The following MAP3K4 variants were observed in gnomAD, a reference collection of about 807,000 sequenced individuals.
The protein encoded by MAP3K4 is mitogen-activated protein kinase kinase kinase 4, also known as MAP three kinase 1.
In MAP3K4, 67 loss-of-function variants were observed where a neutral mutation model predicts 185.6. That is an observed-to-expected ratio of 0.36 (90% CI 0.30 to 0.44). The LOEUF is 0.44. Among genes scored for constraint, MAP3K4 ranks in the 20% least tolerant of loss-of-function variants. The probability of loss-of-function intolerance (pLI) is 1.00; values close to 1 mark genes in which losing one functional copy is unlikely to be tolerated. For missense variants in MAP3K4, 1,551 were observed against 1,995.1 expected, an observed-to-expected ratio of 0.78 and a Z score of 4.24; for synonymous variants, 702 against 710.4, an observed-to-expected ratio of 0.99 and a Z score of 0.19.
In MAP3K4 at chr6:160,992,010, C is replaced by T. The variant is rs777328154; in HGVS notation, c.79C>T (p.Pro27Ser). ...TPAAAMEEPP[P>S]PPPPPPPPPE... is the part of the protein sequence containing the mutation. Reference sequence around the variant, plus strand: ...TGCCGCCGCCATGGAGGAGCCGCCGCCACCGCCGCCGCCGCCACCACCGCC... The same window carrying T: ...TGCCGCCGCCATGGAGGAGCCGCCGTCACCGCCGCCGCCGCCACCACCGCC... Residue 27 changes from proline to serine, a missense_variant, in exon 1 of 27, where the codon CCA becomes TCA. Transcript: ENST00000392142. The T allele has an allele frequency of 8.4e-6, 13 of 1,548,420 alleles. No homozygotes were observed. The Admixed American group carries it at 9.4e-5, about 11-fold the overall frequency.
rs1487210852 is a variant in MAP3K4, at chr6:161,049,274, T to C, written c.1002T>C (p.Ile334=). Residue 334 remains isoleucine, a synonymous_variant, in exon 3 of 27, where the codon ATT becomes ATC. Coordinates refer to ENST00000392142, the MANE Select transcript of MAP3K4 (RefSeq NM_005922.4). This position sits in a 1 kb window ranked among gnomAD's most constrained non-coding sequence, Gnocchi z 8.4. ...GQCKATPGTK[I]VGYSTHHEHL... is the part of the protein sequence containing the mutation. ...GCAAAGCCACTCCTGGAACAAAGAT[T>C]GTAGGTTACTCAACACATCATGAGC... The C allele has an allele frequency of 3.1e-6, 5 of 1,614,138 alleles. No individual in the cohort carries two copies. The highest frequency in any genetic ancestry group is 4.2e-6 in the Non-Finnish European group (5 of 1,180,000).
intron 13 of MAP3K4, 122 bp from the exon 14 acceptor site, chr6:161,092,856 A>G (rs563865373): frequency 2.8e-5 from 15 of 539,494 alleles, no homozygotes; most frequent in Middle Eastern, 3.2e-4. Context: ...AACCCAAGCA[A>G]AAAAAAGTGT....
intron 1 of MAP3K4, among the ~76,000 whole-genome samples, chr6:160,993,544 T>C (rs765942341): frequency 6.6e-6 from 1 of 152,318 alleles, no homozygotes; most frequent in Non-Finnish European, 1.5e-5. Context: ...CAGCTGGTAA[T>C]GAAGAAAGGT....
At chr6:161,085,455 G>A (rs578043888) in intron 7 of MAP3K4, among the ~76,000 whole-genome samples, 114 of 152,260 alleles carry the variant, frequency 7.5e-4, no homozygotes, top group South Asian at 6.0e-3. Context: ...TATATCAGGC[G>A]TATAGCAACT....
rs1785165001 is a variant in MAP3K4 at position 161,076,112 on chromosome 6, T to C, written c.2097+2500T>C. 6.6e-6 allele frequency among the ~76,000 whole-genome samples: 1 copy of C among 152,212 alleles called. No individual in the cohort carries two copies. The highest frequency in any genetic ancestry group is 2.4e-5 in the African/African-American group (1 of 41,444). On this transcript the variant is annotated intron_variant, in intron 5 of 26. Transcript: ENST00000392142. This position sits in a 1 kb window ranked among gnomAD's most constrained non-coding sequence, Gnocchi z 4.2. ...CCAAAAATAAAAAGACTTAGAATTA[T>C]TCGCCTTGAAATGTAAACTAAAATG... is the stretch of plus-strand genomic sequence containing the variant.
chr6:161,087,198 A>G lies in MAP3K4; in HGVS notation c.2557-490A>G, dbSNP rs1404191397. Among the ~76,000 whole-genome samples the G allele has an allele frequency of 1.3e-5, 2 of 152,170 alleles. No individual in the cohort carries two copies. The highest frequency in any genetic ancestry group is 2.9e-5 in the Non-Finnish European group (2 of 68,030). On this transcript the variant is annotated intron_variant, in intron 9 of 26. Coordinates refer to ENST00000392142, the MANE Select transcript of MAP3K4 (RefSeq NM_005922.4). The surrounding 1 kb of genome is among the most constrained non-coding windows in gnomAD (Gnocchi z 4.9). ...ATCCCGCTCCCATACTGAGAGTGGG[A>G]GGGATGACCTGCAGCGTGCCACCAC...
At position 161,008,356 on chromosome 6, in the gene MAP3K4, A is replaced by G. The variant is rs1218074879; in HGVS notation, c.152+16273A>G. ...TTATGTCTAGTCAAGATGTTTTATT[A>G]GAGTAAAATCCTGGAAATATAATTA... On this transcript the variant is annotated intron_variant, in intron 1 of 26. Coordinates refer to ENST00000392142, the MANE Select transcript of MAP3K4 (RefSeq NM_005922.4). This position sits in a 1 kb window ranked among gnomAD's most constrained non-coding sequence, Gnocchi z 4.1. 6.6e-6 allele frequency among the ~76,000 whole-genome samples: 1 copy of G among 152,232 alleles called. No homozygotes were observed. Among genetic ancestry groups the G allele is most frequent in the African/African-American group, 2.4e-5 (1 of 41,468 alleles).
chr6:161,049,682 G>A lies in MAP3K4; in HGVS notation c.1410G>A (p.Arg470=). ...AAGAAGAACAAATCTCTGATCCTAG[G>A]GTACCGGAAATCAGACAGCCCATAG... The part of the protein sequence containing the change: ...ESEEEQISDP[R]VPEIRQPIDN... Residue 470 remains arginine (R), a synonymous_variant, in exon 3 of 27, where the codon AGG becomes AGA. Coordinates refer to ENST00000392142, the MANE Select transcript of MAP3K4 (RefSeq NM_005922.4). This position sits in a 1 kb window ranked among gnomAD's most constrained non-coding sequence, Gnocchi z 8.4. 3 of 1,614,108 alleles carry A rather than the reference G, an allele frequency of 1.9e-6. No homozygotes were observed. Among genetic ancestry groups the A allele is most frequent in the South Asian group, 2.2e-5 (2 of 91,068 alleles).
chr6:161,032,151 G>A (rs890390172), intron 1 of MAP3K4, among the ~76,000 whole-genome samples: 1 of 152,174 alleles, frequency 6.6e-6, no homozygotes, highest in South Asian at 2.1e-4. Flanking sequence ...TTTCCTTTAA[G>A]TATATTAAGT....
Position 161,101,710 on chromosome 6 carries a change from C to A in MAP3K4, c.3675-182C>A, listed in dbSNP as rs530074173. On this transcript the variant is annotated intron_variant, in intron 17 of 26. Transcript: ENST00000392142. The surrounding 1 kb of genome is among the most constrained non-coding windows in gnomAD (Gnocchi z 5.1). ...TGGTGGGTCTGTCCTGTGCGTTTTC[C>A]GCTGCCCACTAGATGCCAGTAGCAC... 13 of 566,040 alleles carry A rather than the reference C, an allele frequency of 2.3e-5. No individual in the cohort carries two copies. Among genetic ancestry groups the A allele is most frequent in the African/African-American group, 2.3e-4 (12 of 52,914 alleles). 35.1% of individuals were successfully genotyped at this position (566,040 alleles called of 1,614,324 possible). A position where few individuals can be genotyped will look rare whatever the true frequency, so the allele number is the denominator to read the frequency against.
At position 161,096,931 on chromosome 6, in the gene MAP3K4, A is replaced by T; in HGVS notation, c.3428-149A>T. ...GTGACATTTTCCATAATATTTGTAT[A>T]TGTAATATTATTTTTTACTTATATA... On this transcript the variant is annotated intron_variant, in intron 15 of 26. Coordinates refer to ENST00000392142, the MANE Select transcript of MAP3K4 (RefSeq NM_005922.4). This position sits in a 1 kb window ranked among gnomAD's most constrained non-coding sequence, Gnocchi z 4.9. 1 of 565,722 alleles carries T rather than the reference A, an allele frequency of 1.8e-6. No homozygotes were observed. Among genetic ancestry groups the T allele is most frequent in the Non-Finnish European group, 3.2e-6 (1 of 312,826 alleles). 35.0% of individuals were successfully genotyped at this position (565,722 alleles called of 1,614,324 possible).
At chr6:161,105,363 A>C (rs1328209706) in intron 19 of MAP3K4, among the ~76,000 whole-genome samples, 4 of 152,220 alleles carry the variant, frequency 2.6e-5, no homozygotes, top group Non-Finnish European at 4.4e-5. Context: ...TATTTCATGA[A>C]ATCCTCACAG....
rs190438085 is a variant in MAP3K4, at chr6:161,066,461, A to T, written c.1708-4147A>T. 3.3e-3 allele frequency among the ~76,000 whole-genome samples: 496 copies of T among 151,278 alleles called. 5 individuals carry two copies. Among genetic ancestry groups the T allele is most frequent in the Middle Eastern group, 0.017 (5 of 292 alleles). ...TAATAATTTCTGCAGTTAATTCTAG[A>T]TTATTAAATCAGTTTTAGCAGTGTT... On this transcript the variant is annotated intron_variant, in intron 3 of 26. Coordinates refer to ENST00000392142, the MANE Select transcript of MAP3K4 (RefSeq NM_005922.4).
Position 161,017,687 on chromosome 6 carries a change from T to C in MAP3K4, c.153-16572T>C, listed in dbSNP as rs1469365028. On this transcript the variant is annotated intron_variant, in intron 1 of 26. Transcript: ENST00000392142. The surrounding 1 kb of genome is among the most constrained non-coding windows in gnomAD (Gnocchi z 5.1). ...AAATGAGGTGATTTTTGCCTTTTTA[T>C]GTAAAGTAAACATAAACATATACAT... Among the ~76,000 whole-genome samples, 7 of 152,226 alleles carry C rather than the reference T, an allele frequency of 4.6e-5. No homozygotes were observed. In the South Asian group the frequency reaches 1.2e-3, roughly 27 times the overall value.
In MAP3K4 at chr6:161,102,814, A is replaced by C. The variant is rs201900201; in HGVS notation, c.3856+35A>C. The C allele has an allele frequency of 1.9e-4, 272 of 1,414,364 alleles. 2 individuals carry two copies. The African/African-American group carries it at 3.2e-3, about 17-fold the overall frequency. 87.6% of individuals were successfully genotyped at this position (1,414,364 alleles called of 1,614,324 possible). A position where few individuals can be genotyped will look rare whatever the true frequency, so the allele number is the denominator to read the frequency against. ...AGAGTGTTGAAGTTAAAAAAAAAAA[A>C]AAAAAAAAAACACGATTACACATAA... On this transcript the variant is annotated intron_variant, in intron 19 of 26. Transcript: ENST00000392142.
chr6:161,038,499 G>A (rs148231486), intron 2 of MAP3K4, among the ~76,000 whole-genome samples: 26 of 152,356 alleles, frequency 1.7e-4, no homozygotes, highest in Non-Finnish European at 2.6e-4. Flanking sequence ...CACTGCAACA[G>A]ACAAAGGATC....
chr6:161,001,386 G>A (rs1015996060), intron 1 of MAP3K4, among the ~76,000 whole-genome samples: 1 of 152,064 alleles, frequency 6.6e-6, no homozygotes, highest in Non-Finnish European at 1.5e-5. Flanking sequence ...TTAGGGTACA[G>A]CAGTTTCACT....
Position 161,080,237 on chromosome 6 carries a change from G to T in MAP3K4, c.2098-644G>T, listed in dbSNP as rs1785383599. On this transcript the variant is annotated intron_variant, in intron 5 of 26. Transcript: ENST00000392142. The surrounding 1 kb of genome is among the most constrained non-coding windows in gnomAD (Gnocchi z 4.8). ...TCTAGAAGGTGGCCATTGCAAACCT[G>T]TTGAGAAAAACTGCTTGATAGTTGA... 6.6e-6 allele frequency among the ~76,000 whole-genome samples: 1 copy of T among 152,194 alleles called. No homozygotes were observed. Among genetic ancestry groups the T allele is most frequent in the Non-Finnish European group, 1.5e-5 (1 of 68,032 alleles).
At position 161,091,525 on chromosome 6, in the gene MAP3K4, C is replaced by T. The variant is rs373183729; in HGVS notation, c.3120C>T (p.Tyr1040=). The T allele has an allele frequency of 5.0e-5, 81 of 1,610,186 alleles. No homozygotes were observed. Among genetic ancestry groups the T allele is most frequent in the Non-Finnish European group, 6.7e-5 (79 of 1,178,646 alleles). The change falls in exon 12 of 27, where the codon TAC becomes TAT. Residue 1040 remains tyrosine, a synonymous_variant. Coordinates refer to ENST00000392142, the MANE Select transcript of MAP3K4 (RefSeq NM_005922.4). The surrounding 1 kb of genome is among the most constrained non-coding windows in gnomAD (Gnocchi z 5.5). ...ACCGAGAAGCAATGATTCAGGGGTACAATTTTGGATTTGAGGTAGGTTCAA... is the reference window on the plus strand; with the variant it reads ...ACCGAGAAGCAATGATTCAGGGGTATAATTTTGGATTTGAGGTAGGTTCAA... The part of the protein sequence containing the change: ...QYYREAMIQG[Y]NFGFEYHKEV...
Sources: allele counts gnomAD v4.1 joint callset (sites outside exome capture counted in the v4.1 genomes callset), GRCh38; gene constraint gnomAD v4.1.1; non-coding constraint Gnocchi (gnomAD v3.1); transcripts MANE v1.5; gene names NCBI Gene and HGNC (gene_info 2026-07-23, HGNC 2026-07-21).